Variants in TBC1D30 observed in about 807,000 individuals in gnomAD.
The protein encoded by TBC1D30 is TBC1 domain family, member 30.
Under a neutral mutation model 63.2 loss-of-function variants are expected in TBC1D30, and 31 were observed. The observed-to-expected ratio is 0.49, with a 90% CI of 0.37 to 0.66. TBC1D30 has a LOEUF of 0.66. Among genes scored for constraint, TBC1D30 ranks in the 30% least tolerant of loss-of-function variants. The pLI, the probability that TBC1D30 is intolerant of heterozygous loss-of-function variation, is 0.00. For missense variants in TBC1D30, 810 were observed against 953.6 expected, an observed-to-expected ratio of 0.85 and a Z score of 1.98; for synonymous variants, 307 against 361.5, an observed-to-expected ratio of 0.85 and a Z score of 1.71.
chr12:64,872,283 C>T lies in TBC1D30; in HGVS notation c.1498+1475C>T, dbSNP rs551140170. Among the ~76,000 whole-genome samples, 10 of 152,330 alleles carry T rather than the reference C, an allele frequency of 6.6e-5. No individual in the cohort carries two copies. The South Asian group carries it at 2.1e-3, about 32-fold the overall frequency. Reference sequence around the variant, plus strand: ...CCTCAGGTGATCTGCCCACCTTGGCCTCCCAAAGTGCTGGGATTACAGGAG... The same window carrying T: ...CCTCAGGTGATCTGCCCACCTTGGCTTCCCAAAGTGCTGGGATTACAGGAG... On this transcript the variant is annotated intron_variant, in intron 11 of 11. Transcript: ENST00000539867.
At chr12:64,859,020 CTGTG>C (rs139732055) in intron 8 of TBC1D30, among the ~76,000 whole-genome samples, 3 of 147,868 alleles carry the variant, frequency 2.0e-5, no homozygotes, top group Admixed American at 6.8e-5. Flanking sequence ...TTTGACTAGG[CTGTG>C]TGTGTGTGTG....
chr12:64,793,547 C>T (rs1872068336), intron 2 of TBC1D30, among the ~76,000 whole-genome samples: 1 of 151,576 alleles, frequency 6.6e-6, no homozygotes, highest in Non-Finnish European at 1.5e-5. Flanking sequence ...GTAATCCCAG[C>T]TACTCTGGAG....
At chr12:64,787,491 C>A (rs968834905) in intron 2 of TBC1D30, 7 of 425,770 alleles carry the variant, frequency 1.6e-5, no homozygotes, top group African/African-American at 1.5e-4. Context: ...ACATTTTGTA[C>A]GTAAATTGAC....
At chr12:64,805,799 C>T (rs555441686) in intron 2 of TBC1D30, among the ~76,000 whole-genome samples, 54 of 152,104 alleles carry the variant, frequency 3.6e-4, no homozygotes, top group Admixed American at 7.9e-4. Context: ...TGCCACTGCA[C>T]TCCAGCCTGG....
chr12:64,836,717 A>T (rs1875393307), intron 6 of TBC1D30, 59 bp downstream of exon 6: 1 of 1,399,014 alleles, frequency 7.1e-7, no homozygotes, highest in Non-Finnish European at 9.6e-7. Flanking sequence ...TCCACTGTAC[A>T]AATGAGCCTA....
chr12:64,855,293 G>T (rs889628330), intron 8 of TBC1D30, among the ~76,000 whole-genome samples: 1 of 151,802 alleles, frequency 6.6e-6, no homozygotes, highest in African/African-American at 2.4e-5. Flanking sequence ...ATTGTAAAAC[G>T]CCTTGAGGGA....
upstream of TBC1D30, among the ~76,000 whole-genome samples, chr12:64,776,481 T>C (rs1871084726): frequency 6.6e-6 from 1 of 152,130 alleles, no homozygotes; most frequent in South Asian, 2.1e-4. Context: ...TATGAATACA[T>C]CTATGCACAT....
chr12:64,807,121 G>A (rs1872916653), intron 2 of TBC1D30, among the ~76,000 whole-genome samples: 1 of 152,214 alleles, frequency 6.6e-6, no homozygotes, highest in Middle Eastern at 3.2e-3. Context: ...GAAGGACCCA[G>A]TGGGAGGTGA....
intron 8 of TBC1D30, among the ~76,000 whole-genome samples, chr12:64,855,019 T>C (rs571699438): frequency 5.3e-5 from 8 of 152,350 alleles, no homozygotes; most frequent in African/African-American, 1.2e-4. Context: ...CTTTTGTTTG[T>C]CTAGGAAGGT....
chr12:64,767,134 A>G (rs1028538093), intron 1 of TBC1D30, among the ~76,000 whole-genome samples: 54 of 152,092 alleles, frequency 3.6e-4, no homozygotes, highest in South Asian at 1.0e-3. Flanking sequence ...ACCTTAAGAC[A>G]CCAAAGAAAG....
At chr12:64,854,070 A>G (rs991200588) in intron 8 of TBC1D30, among the ~76,000 whole-genome samples, 4 of 152,018 alleles carry the variant, frequency 2.6e-5, no homozygotes, top group Non-Finnish European at 4.4e-5. Context: ...AATTTAGTGG[A>G]TTTACATTCA....
In TBC1D30 at chr12:64,875,994, G is replaced by C. The variant is rs774428470; in HGVS notation, c.*206G>C. The stretch of plus-strand genomic sequence containing the variant: ...CCAGCTACTTGCTAACTGACGAAGT[G>C]GATTCTTGTGGCAAAATAAATATTG... On this transcript the variant is annotated 3_prime_UTR_variant, in exon 12 of 12. Transcript: ENST00000539867. 4 of 505,666 alleles carry C rather than the reference G, an allele frequency of 7.9e-6. No homozygotes were observed. Among genetic ancestry groups the C allele is most frequent in the Non-Finnish European group, 1.4e-5 (4 of 295,032 alleles). The allele number at this position is 505,666 out of a possible 1,614,324, so 31.3% of individuals were successfully genotyped here.
chr12:64,875,913 C>A lies in TBC1D30; in HGVS notation c.*125C>A. 1 of 1,025,616 alleles carries A rather than the reference C, an allele frequency of 9.8e-7. No individual in the cohort carries two copies. The highest frequency in any genetic ancestry group is 1.3e-6 in the Non-Finnish European group (1 of 743,058). 63.5% of individuals were successfully genotyped at this position (1,025,616 alleles called of 1,614,324 possible). A position where few individuals can be genotyped will look rare whatever the true frequency, so the allele number is the denominator to read the frequency against. On this transcript the variant is annotated 3_prime_UTR_variant, in exon 12 of 12. Transcript: ENST00000539867. ...AATAGGTTCAGGGATGAGCAACAGC[C>A]CATAAAAAATGGGAACTGGAAGTTT...
At chr12:64,759,997 C>T (rs1870439344) in intron 1 of TBC1D30, among the ~76,000 whole-genome samples, 1 of 152,182 alleles carries the variant, frequency 6.6e-6, no homozygotes, top group African/African-American at 2.4e-5. Flanking sequence ...TCTCTTAACT[C>T]CAAAGCCTAA....
intron 2 of TBC1D30, among the ~76,000 whole-genome samples, chr12:64,809,096 T>C (rs569299579): frequency 2.0e-5 from 3 of 152,286 alleles, no homozygotes; most frequent in African/African-American, 7.2e-5. Context: ...TAACTGGAAT[T>C]CTTTTTGTGA....
Position 64,875,766 on chromosome 12 carries a change from A to G in TBC1D30, c.2264A>G (p.Asn755Ser). The change falls in exon 12 of 12, where the codon AAC becomes AGC. Residue 755 changes from asparagine to serine, a missense_variant. This residue lies in a region of TBC1D30 where 450 missense variants were observed against 473.0 expected (regional missense o/e 0.95). Transcript: ENST00000539867. ...SRSFSKPGGG[N>S]SGTKKR ...AGCTTCAGCAAACCCGGCGGTGGAA[A>G]CAGTGGCACTAAAAAACGATGATGT... 6.5e-7 allele frequency: 1 copy of G among 1,531,368 alleles called. No individual in the cohort carries two copies. The highest frequency in any genetic ancestry group is 8.7e-7 in the Non-Finnish European group (1 of 1,144,744). 94.9% of individuals were successfully genotyped at this position (1,531,368 alleles called of 1,614,324 possible).
chr12:64,859,018 G>A (rs1187878847), intron 8 of TBC1D30, among the ~76,000 whole-genome samples: 1 of 150,810 alleles, frequency 6.6e-6, no homozygotes, highest in African/African-American at 2.5e-5. Context: ...GATTTGACTA[G>A]GCTGTGTGTG....
At chr12:64,811,206 T>C (rs1360020182) in intron 2 of TBC1D30, among the ~76,000 whole-genome samples, 1 of 152,244 alleles carries the variant, frequency 6.6e-6, no homozygotes, top group Non-Finnish European at 1.5e-5. Flanking sequence ...AAGTGTAATA[T>C]AGTGCAAGAT....
At chr12:64,863,590 C>A (rs773761448) in intron 8 of TBC1D30, among the ~76,000 whole-genome samples, 2 of 152,276 alleles carry the variant, frequency 1.3e-5, no homozygotes, top group Non-Finnish European at 2.9e-5. Flanking sequence ...TGTTTGGAAT[C>A]TTGGGCTGGT....
Sources: allele counts gnomAD v4.1 joint callset (sites outside exome capture counted in the v4.1 genomes callset), GRCh38; gene constraint gnomAD v4.1.1; regional missense constraint gnomAD v4.1.1; transcripts MANE v1.5; gene names NCBI Gene and HGNC (gene_info 2026-07-23, HGNC 2026-07-21).